The following SLC38A8 variants were observed in gnomAD, a reference collection of about 807,000 sequenced individuals.
SLC38A8 encodes amino acid transporter SLC38A8.
In SLC38A8, 65 loss-of-function variants were observed where a neutral mutation model predicts 46.0. That is an observed-to-expected ratio of 1.41 (90% confidence interval 1.16 to 1.74). SLC38A8 has a LOEUF of 1.74. Ranked by LOEUF, SLC38A8 falls within the 40% of genes most tolerant of loss-of-function variation. The pLI is 0.00. For missense variants in SLC38A8, 998 were observed against 567.9 expected (o/e 1.76, Z -7.70); for synonymous variants, 447 against 243.7 (o/e 1.83, Z -7.77).
At chr16:84,022,247 A>T (rs1331873168) in intron 7 of SLC38A8, among the ~76,000 whole-genome samples, 16 of 152,212 alleles carry the variant, frequency 1.1e-4, no homozygotes, top group Admixed American at 9.8e-4. Flanking sequence ...GGCCAACCAG[A>T]AGCCAGCCGT....
intron 10 of SLC38A8, among the ~76,000 whole-genome samples, chr16:84,011,393 G>T (rs2084951353): frequency 6.6e-6 from 1 of 152,200 alleles, no homozygotes; most frequent in African/African-American, 2.4e-5. Flanking sequence ...CCCAAGGCAG[G>T]TTTAGAAACA....
intron 7 of SLC38A8, among the ~76,000 whole-genome samples, chr16:84,019,106 A>G (rs1025567277): frequency 6.6e-6 from 1 of 150,964 alleles, no homozygotes; most frequent in Non-Finnish European, 1.5e-5. Context: ...TTTGAGATGG[A>G]GTCTGTCACC....
chr16:84,031,879 T>C lies in SLC38A8; in HGVS notation c.620A>G (p.His207Arg). Reference protein sequence around the residue: ...LWPQGLVRESHPSLSPASWTS... With the variant: ...LWPQGLVRESRPSLSPASWTS... ...CCCTCAGACTTACCTCAGTGAAGGATGGGACTCACGCACGAGGCCCTGGGG... is the reference window on the plus strand; with the variant it reads ...CCCTCAGACTTACCTCAGTGAAGGACGGGACTCACGCACGAGGCCCTGGGG... Residue 207 changes from histidine to arginine, a missense_variant, in exon 5 of 11, where the codon CAT becomes CGT. Physicochemically the swap from His to Arg is conservative, Grantham distance 29. Coordinates refer to ENST00000299709, the MANE Select transcript of SLC38A8 (RefSeq NM_001080442.3). The C allele has an allele frequency of 6.2e-7, 1 of 1,614,016 alleles. No homozygotes were observed. The highest frequency in any genetic ancestry group is 8.5e-7 in the Non-Finnish European group (1 of 1,179,962).
intron 6 of SLC38A8, among the ~76,000 whole-genome samples, chr16:84,028,924 A>G (rs1331822819): frequency 6.6e-6 from 1 of 152,104 alleles, no homozygotes; most frequent in East Asian, 1.9e-4. Context: ...CCCCTCTGCC[A>G]GGATTCTACA....
At chr16:84,018,433 A>G (rs1297439094) in intron 7 of SLC38A8, among the ~76,000 whole-genome samples, 1 of 151,702 alleles carries the variant, frequency 6.6e-6, no homozygotes, top group African/African-American at 2.4e-5. Context: ...GTTAGCCAGG[A>G]TGGTCTCGAT....
chr16:84,035,065 C>T (rs1340878330), intron 3 of SLC38A8, among the ~76,000 whole-genome samples: 10 of 152,198 alleles, frequency 6.6e-5, no homozygotes, highest in Admixed American at 1.3e-4. Flanking sequence ...TACACAAGAA[C>T]GCTCTCTCCA....
intron 7 of SLC38A8, among the ~76,000 whole-genome samples, chr16:84,018,001 G>A (rs2085051338): frequency 6.6e-6 from 1 of 152,068 alleles, no homozygotes; most frequent in Admixed American, 6.5e-5. Context: ...CAAGTTTCCT[G>A]GATAACCACA....
In SLC38A8 at chr16:84,024,986, AT is replaced by A. The variant is rs199656290; in HGVS notation, c.691-2098del. The stretch of plus-strand genomic sequence containing the variant: ...GTGAGCCACCAAGCCCAGTGCAAGA[AT>A]TTTTTTAACGCAAAACATACACAGT... On this transcript the variant is annotated intron_variant, in intron 6 of 10. Coordinates refer to ENST00000299709, the MANE Select transcript of SLC38A8 (RefSeq NM_001080442.3). 7.4e-4 allele frequency among the ~76,000 whole-genome samples: 112 copies of A among 152,156 alleles called. 1 individual carries two copies. In the East Asian group the frequency reaches 0.019, roughly 25 times the overall value.
At chr16:84,041,512 C>G (rs961715924) in intron 2 of SLC38A8, among the ~76,000 whole-genome samples, 1 of 152,194 alleles carries the variant, frequency 6.6e-6, no homozygotes, top group Non-Finnish European at 1.5e-5. Flanking sequence ...AGGGTTTCAC[C>G]ATATGGGCCA....
At chr16:84,031,104 C>G (rs2085233069) in intron 5 of SLC38A8, among the ~76,000 whole-genome samples, 1 of 152,032 alleles carries the variant, frequency 6.6e-6, no homozygotes, top group South Asian at 2.1e-4. Flanking sequence ...GCAGTGGTAT[C>G]ATCTCGGCTC....
At chr16:84,016,797 C>A (rs1420849453) in intron 8 of SLC38A8, 70 bp from the exon 9 acceptor site, 1 of 1,493,858 alleles carries the variant, frequency 6.7e-7, no homozygotes. Context: ...CAGCTGCTCC[C>A]CAGTCCTCCA....
chr16:84,027,889 G>A (rs933947642), intron 6 of SLC38A8, among the ~76,000 whole-genome samples: 3 of 152,198 alleles, frequency 2.0e-5, no homozygotes, highest in Admixed American at 6.5e-5. Context: ...CTTAAACTCA[G>A]TCCAGACAAA....
At position 84,033,412 on chromosome 16, in the gene SLC38A8, T is replaced by A. The variant is rs773747607; in HGVS notation, c.446A>T (p.Gln149Leu). 6.2e-7 allele frequency: 1 copy of A among 1,613,672 alleles called. No homozygotes were observed. ...PPAPQPWYAD[Q>L]RFTLPLLSVL... ...GGAGAGCAGGGGCAGGGTGAAGCGC[T>A]GGTCTGCGTACCACGGCTGCGGGGC... Residue 149 changes from glutamine (Q) to leucine (L), a missense_variant, in exon 4 of 11, where the codon CAG (glutamine) becomes CTG (leucine). Coordinates refer to ENST00000299709, the MANE Select transcript of SLC38A8 (RefSeq NM_001080442.3).
chr16:84,014,996 TTC>T (rs2085008134), intron 9 of SLC38A8, among the ~76,000 whole-genome samples: 1 of 152,148 alleles, frequency 6.6e-6, no homozygotes, highest in Non-Finnish European at 1.5e-5. Flanking sequence ...TACCTGTGCT[TTC>T]TGTTAAGTTT....
In SLC38A8 at chr16:84,042,714, G is replaced by A. The variant is rs1035768135; in HGVS notation, c.-166C>T. 1 of 153,294 alleles carries A rather than the reference G, an allele frequency of 6.5e-6. No homozygotes were observed. The highest frequency in any genetic ancestry group is 2.4e-5 in the African/African-American group (1 of 41,462). The allele number at this position is 153,294 out of a possible 1,614,324, so 9.5% of individuals were successfully genotyped here. On this transcript the variant is annotated 5_prime_UTR_variant, in exon 1 of 11. Coordinates refer to ENST00000299709, the MANE Select transcript of SLC38A8 (RefSeq NM_001080442.3). Reference sequence around the variant, plus strand: ...TGAGTCATTAACTAAAGGAGCCCTAGCGAGTATGTGTCAGGGTCAGGCCCC... The same window carrying A: ...TGAGTCATTAACTAAAGGAGCCCTAACGAGTATGTGTCAGGGTCAGGCCCC...
chr16:84,033,234 A>T lies in SLC38A8; in HGVS notation c.530+94T>A, dbSNP rs543128715. On this transcript the variant is annotated intron_variant, in intron 4 of 10. Coordinates refer to ENST00000299709, the MANE Select transcript of SLC38A8 (RefSeq NM_001080442.3). ...TCCCCTTCTCCAAATGTGAAGGCCA[A>T]TTCCCCAGCTCCTCTGACCCCAGAT... 7.1e-6 allele frequency: 11 copies of T among 1,550,496 alleles called. No homozygotes were observed. The East Asian group carries it at 2.3e-4, about 32-fold the overall frequency.
upstream of SLC38A8, among the ~76,000 whole-genome samples, chr16:84,043,030 G>A (rs946035900): frequency 5.9e-5 from 9 of 152,278 alleles, no homozygotes; most frequent in Admixed American, 2.6e-4. Flanking sequence ...GAGGGGGCGT[G>A]AAAAGTGCCC....
intron 7 of SLC38A8, 139 bp from the exon 8 acceptor site, chr16:84,017,426 C>T: frequency 1.0e-6 from 1 of 980,700 alleles, no homozygotes; most frequent in Admixed American, 2.7e-5. Flanking sequence ...AAGGGATAGC[C>T]CAAAGCTTTC....
intron 6 of SLC38A8, among the ~76,000 whole-genome samples, chr16:84,028,316 C>G (rs977855885): frequency 6.6e-6 from 1 of 152,092 alleles, no homozygotes; most frequent in Non-Finnish European, 1.5e-5. Context: ...CACGGTGGCT[C>G]ACGCCTATAA....
Sources: gnomAD v4.1 joint callset for allele counts (sites outside exome capture counted in the v4.1 genomes callset) on GRCh38, gnomAD v4.1.1 for gene constraint, MANE v1.5 for transcripts, NCBI Gene and HGNC (gene_info 2026-07-23, HGNC 2026-07-21) for gene names.